The following OLFML2B variants were observed in gnomAD, a reference collection of about 807,000 sequenced individuals.
OLFML2B encodes olfactomedin like 2B.
In OLFML2B, 57 loss-of-function variants were observed where a neutral mutation model predicts 74.9. The ratio of observed to expected loss-of-function variants is 0.76; its 90% CI spans 0.61 to 0.95. OLFML2B has a LOEUF of 0.95. Among genes scored for constraint, OLFML2B ranks in the 40% least tolerant of loss-of-function variants. The pLI is 0.00. For synonymous variants in OLFML2B, 388 were observed against 405.8 expected, an observed-to-expected ratio of 0.96 and a Z score of 0.53; for missense variants, 986 against 970.6, an observed-to-expected ratio of 1.02 and a Z score of -0.21.
At chr1:162,021,370 C>T (rs1442068926) in intron 1 of OLFML2B, among the ~76,000 whole-genome samples, 3 of 152,222 alleles carry the variant, frequency 2.0e-5, no homozygotes, top group Non-Finnish European at 2.9e-5. Flanking sequence ...GGAAAACACG[C>T]GACAGTAGGC....
intron 3 of OLFML2B, among the ~76,000 whole-genome samples, chr1:162,008,026 T>A (rs970469673): frequency 1.3e-5 from 2 of 152,186 alleles, no homozygotes; most frequent in Non-Finnish European, 2.9e-5. Flanking sequence ...GGGTGCGCAG[T>A]CACTCCTAGG....
At chr1:162,020,385 C>T (rs1690669738) in intron 1 of OLFML2B, among the ~76,000 whole-genome samples, 1 of 152,186 alleles carries the variant, frequency 6.6e-6, no homozygotes, top group Non-Finnish European at 1.5e-5. Flanking sequence ...CAGCTCTCTT[C>T]GTTTGTCTTG....
At position 162,023,578 on chromosome 1, in the gene OLFML2B, A is replaced by G; in HGVS notation, c.-148T>C. 1.4e-6 allele frequency: 1 copy of G among 722,202 alleles called. No homozygotes were observed. 44.7% of individuals were successfully genotyped at this position (722,202 alleles called of 1,614,324 possible). On this transcript the variant is annotated 5_prime_UTR_variant, in exon 1 of 8. Transcript: ENST00000294794. The stretch of plus-strand genomic sequence containing the variant: ...CTAAAGCTGGGTGCGGCTGAGCGGG[A>G]CGGGAGGGTGCGCCCCAGAGACTCT...
chr1:161,984,341 TTAAG>T (rs905674727), intron 7 of OLFML2B, 65 bp from the exon 8 acceptor site: 4 of 1,504,994 alleles, frequency 2.7e-6, no homozygotes, highest in African/African-American at 2.8e-5. Flanking sequence ...GCCCATGTGG[TTAAG>T]TGAGTGATGA....
At position 161,998,079 on chromosome 1, in the gene OLFML2B, T is replaced by A. The variant is rs765131881; in HGVS notation, c.1220A>T (p.Glu407Val). ...TTSVSPDPTR[E>V]SVLQPSPQVP... ...CTGAGGAGAAGGCTGCAGGACTGAC[T>A]CCCTTGTGGGATCTGGAGACACCGA... Residue 407 changes from glutamate (E) to valine (V), a missense_variant, in exon 6 of 8, where the codon GAG (glutamate) becomes GTG (valine). Glu to Val is a moderately radical substitution (Grantham distance 121). Coordinates refer to ENST00000294794, the MANE Select transcript of OLFML2B (RefSeq NM_015441.3). 6.2e-7 allele frequency: 1 copy of A among 1,613,938 alleles called. No individual in the cohort carries two copies. Among genetic ancestry groups the A allele is most frequent in the Non-Finnish European group, 8.5e-7 (1 of 1,179,992 alleles).
intron 6 of OLFML2B, among the ~76,000 whole-genome samples, chr1:161,993,267 A>G (rs1244720447): frequency 1.3e-5 from 2 of 152,056 alleles, no homozygotes; most frequent in Non-Finnish European, 2.9e-5. Flanking sequence ...TTCTTTGCCT[A>G]GCTAATTTCC....
At position 162,023,422 on chromosome 1, in the gene OLFML2B, C is replaced by A; in HGVS notation, c.9G>T (p.Lys3Asn). MA[K>N]PRLLVLYFAL... The stretch of plus-strand genomic sequence containing the variant: ...CGAAGTAGAGAACTAGCAGCCGAGG[C>A]TTGGCCATGAGGGGCGCGATAAGAG... Residue 3 changes from lysine (K) to asparagine (N), a missense_variant, in exon 1 of 8, where the codon AAG (lysine) becomes AAT (asparagine). Physicochemically the swap from Lys to Asn is moderately conservative, Grantham distance 94 (BLOSUM62 0). Transcript: ENST00000294794. The A allele has an allele frequency of 6.4e-7, 1 of 1,566,932 alleles. No individual in the cohort carries two copies. The highest frequency in any genetic ancestry group is 8.7e-7 in the Non-Finnish European group (1 of 1,152,478).
intron 6 of OLFML2B, among the ~76,000 whole-genome samples, chr1:161,991,280 A>G (rs1689734998): frequency 6.6e-6 from 1 of 152,222 alleles, no homozygotes; most frequent in African/African-American, 2.4e-5. Flanking sequence ...TACAAAATGT[A>G]TTTCTTAAAT....
chr1:162,000,266 G>A lies in OLFML2B; in HGVS notation c.796C>T (p.Pro266Ser), dbSNP rs146317042. Reference sequence around the variant, plus strand: ...TTCACCACCTCAGGCAGAGCCAGGGGTCGCGTCTGCAGAAGTTCGATGGAG... The same window carrying A: ...TTCACCACCTCAGGCAGAGCCAGGGATCGCGTCTGCAGAAGTTCGATGGAG... ...INSIELLQTR[P>S]LALPEVVKSQ... Residue 266 changes from proline to serine, a missense_variant, in exon 5 of 8, where the codon CCC becomes TCC. By Grantham distance (74) the Pro-to-Ser change is moderately conservative. Transcript: ENST00000294794. The A allele has an allele frequency of 1.2e-6, 2 of 1,613,658 alleles. No individual in the cohort carries two copies. Among genetic ancestry groups the A allele is most frequent in the Non-Finnish European group, 1.7e-6 (2 of 1,180,020 alleles).
intron 1 of OLFML2B, among the ~76,000 whole-genome samples, chr1:162,022,396 G>A (rs1690739149): frequency 6.6e-6 from 1 of 151,890 alleles, no homozygotes; most frequent in African/African-American, 2.4e-5. Context: ...GACTACAGGT[G>A]CCTGCCACCA....
intron 5 of OLFML2B, among the ~76,000 whole-genome samples, chr1:161,999,071 C>T (rs1209312992): frequency 6.6e-6 from 1 of 152,100 alleles, no homozygotes; most frequent in Non-Finnish European, 1.5e-5. Context: ...TGAGGACAGG[C>T]GCTGGGCATG....
chr1:161,989,181 A>G (rs892148722), intron 6 of OLFML2B, among the ~76,000 whole-genome samples: 1 of 152,174 alleles, frequency 6.6e-6, no homozygotes, highest in African/African-American at 2.4e-5. Flanking sequence ...TCCAAGATGC[A>G]CATCTTCTTA....
At chr1:162,000,089 G>A (rs753270053) in intron 5 of OLFML2B, 24 bp downstream of exon 5, 2 of 1,547,296 alleles carry the variant, frequency 1.3e-6, no homozygotes, top group Non-Finnish European at 1.8e-6. Flanking sequence ...TGCCTCTGGG[G>A]CGGCCCTGTT....
intron 2 of OLFML2B, among the ~76,000 whole-genome samples, chr1:162,019,147 A>G (rs1690630255): frequency 6.6e-6 from 1 of 152,214 alleles, no homozygotes; most frequent in African/African-American, 2.4e-5. Context: ...TTACATAGTC[A>G]TCCATTCATT....
chr1:162,011,789 G>T (rs1457910671), intron 3 of OLFML2B, among the ~76,000 whole-genome samples: 1 of 152,192 alleles, frequency 6.6e-6, no homozygotes, highest in Non-Finnish European at 1.5e-5. Flanking sequence ...CTCTGGTGAT[G>T]AATTTCTATA....
chr1:162,020,309 C>T (rs914608968), intron 1 of OLFML2B, 127 bp from the exon 2 acceptor site: 19 of 1,083,478 alleles, frequency 1.8e-5, no homozygotes, highest in Non-Finnish European at 2.4e-5. Context: ...CTCTGAACCA[C>T]AGAGCCAATA....
Position 162,000,261 on chromosome 1 carries a change from C to A in OLFML2B, c.801G>T (p.Leu267=), listed in dbSNP as rs1199484737. ...GTGACTTCACCACCTCAGGCAGAGCCAGGGGTCGCGTCTGCAGAAGTTCGA... is the reference window on the plus strand; with the variant it reads ...GTGACTTCACCACCTCAGGCAGAGCAAGGGGTCGCGTCTGCAGAAGTTCGA... ...NSIELLQTRP[L]ALPEVVKSQR... Residue 267 remains leucine, a synonymous_variant, in exon 5 of 8, where the codon CTG becomes CTT. Coordinates refer to ENST00000294794, the MANE Select transcript of OLFML2B (RefSeq NM_015441.3). The A allele has an allele frequency of 1.9e-6, 3 of 1,613,582 alleles. No homozygotes were observed. The highest frequency in any genetic ancestry group is 2.5e-6 in the Non-Finnish European group (3 of 1,180,036).
chr1:161,995,513 G>C (rs1177741174), intron 6 of OLFML2B, among the ~76,000 whole-genome samples: 1 of 152,224 alleles, frequency 6.6e-6, no homozygotes, highest in Non-Finnish European at 1.5e-5. Context: ...TAGGCTACTG[G>C]AGGGGGAAAG....
chr1:161,985,679 C>T (rs566220851), intron 6 of OLFML2B, among the ~76,000 whole-genome samples: 57 of 152,292 alleles, frequency 3.7e-4, no homozygotes, highest in African/African-American at 1.3e-3. Context: ...GTCCCTGAGG[C>T]CCACCTGCTG....
Sources: allele counts gnomAD v4.1 joint callset (sites outside exome capture counted in the v4.1 genomes callset), GRCh38; gene constraint gnomAD v4.1.1; transcripts MANE v1.5; gene names NCBI Gene and HGNC (gene_info 2026-07-23, HGNC 2026-07-21).